MAFG: variants seen among roughly 807,000 people sequenced by gnomAD.
MAFG encodes the protein MAF bZIP transcription factor G.
Under a neutral mutation model 12.2 loss-of-function variants are expected in MAFG, and 3 were observed. That is an observed-to-expected ratio of 0.25 (90% CI 0.11 to 0.64). The LOEUF (loss-of-function observed/expected upper bound fraction) is 0.64. MAFG is among the 30% of genes least tolerant of loss of function. The pLI, the probability that MAFG is intolerant of heterozygous loss-of-function variation, is 0.85. For synonymous variants in MAFG, 126 were observed against 109.1 expected (o/e 1.15, Z -0.96); for missense variants, 153 against 235.5 (o/e 0.65, Z 2.29).
rs953946276 is a variant in MAFG, at chr17:81,923,271, C to G, written c.-29-57G>C. 2.4e-5 allele frequency: 23 copies of G among 962,798 alleles called. 2 individuals are homozygous for G. The highest frequency in any genetic ancestry group is 2.3e-4 in the South Asian group (12 of 51,514). 59.6% of individuals were successfully genotyped at this position (962,798 alleles called of 1,614,324 possible). On this transcript the variant is annotated intron_variant, in intron 1 of 2. Transcript: ENST00000357736. ...AGACCACCCTCGCCGCACCCCCCCC[C>G]CCCCGCCCCCGGCCCAGTTCACAAG... is the stretch of plus-strand genomic sequence containing the variant.
At chr17:81,925,528 G>C (rs2040932195) in intron 1 of MAFG, among the ~76,000 whole-genome samples, 1 of 152,200 alleles carries the variant, frequency 6.6e-6, no homozygotes, top group Non-Finnish European at 1.5e-5. Flanking sequence ...GTACATAAAT[G>C]GGCCGCGCGG....
At position 81,926,317 on chromosome 17, in the gene MAFG, C is replaced by T. The variant is rs140592630; in HGVS notation, c.-30+1211G>A. Among the ~76,000 whole-genome samples the T allele has an allele frequency of 5.1e-4, 78 of 152,276 alleles. 1 individual carries two copies. The highest frequency in any genetic ancestry group is 1.8e-3 in the African/African-American group (75 of 41,544). ...GCTGCGTTCTGCCACCCTGTGCCATCCACACCAGCCCATCTGCTGCACCCC... is the reference window on the plus strand; with the variant it reads ...GCTGCGTTCTGCCACCCTGTGCCATTCACACCAGCCCATCTGCTGCACCCC... On this transcript the variant is annotated intron_variant, in intron 1 of 2. Transcript: ENST00000357736. This position sits in a 1 kb window ranked among gnomAD's most constrained non-coding sequence, Gnocchi z 4.6.
chr17:81,923,445 G>C (rs2040915074), intron 1 of MAFG: 1 of 433,320 alleles, frequency 2.3e-6, no homozygotes, highest in Non-Finnish European at 4.1e-6. Flanking sequence ...GGTCAGGAAG[G>C]TCTGACGGGA....
chr17:81,930,307 C>G (rs925223951), upstream of MAFG: 1 of 152,334 alleles, frequency 6.6e-6, no homozygotes, highest in African/African-American at 2.4e-5. The surrounding 1 kb of genome is among the most constrained non-coding windows in gnomAD (Gnocchi z 4.1). Flanking sequence ...ACTGAAGAGG[C>G]GTGGCAGAAT....
rs992072935 is a variant in MAFG at position 81,927,652 on chromosome 17, G to C, written c.-154C>G. On this transcript the variant is annotated 5_prime_UTR_variant, in exon 1 of 3. Transcript: ENST00000357736. ...GGCTCGGAGGACTCGCCGCCTGCGC[G>C]GGCCGGGCCGAGCGCACTGGGAAGG... The C allele has an allele frequency of 1.3e-5, 2 of 149,852 alleles. No individual in the cohort carries two copies. The highest frequency in any genetic ancestry group is 3.0e-5 in the Non-Finnish European group (2 of 67,080). The allele number at this position is 149,852 out of a possible 1,614,324, so 9.3% of individuals were successfully genotyped here.
Position 81,922,749 on chromosome 17 carries a change from C to T in MAFG, c.345G>A (p.Gln115=). Reference sequence around the variant, plus strand: ...TGCGGGCCACCGTCCGGGCGAAGGTCTGCAGCGCCTCGTACTTGGAGCGCA... The same window carrying T: ...TGCGGGCCACCGTCCGGGCGAAGGTTTGCAGCGCCTCGTACTTGGAGCGCA... ...DALRSKYEAL[Q]TFARTVARSP... The change falls in exon 3 of 3, where the codon CAG becomes CAA. Residue 115 remains glutamine (Q), a synonymous_variant. Transcript: ENST00000357736. 5 of 1,588,172 alleles carry T rather than the reference C, an allele frequency of 3.1e-6. No individual in the cohort carries two copies. Among genetic ancestry groups the T allele is most frequent in the Non-Finnish European group, 4.3e-6 (5 of 1,166,746 alleles).
rs972415484 is a variant in MAFG, at chr17:81,926,284, G to A, written c.-30+1244C>T. ...CTTCAGGTAGCGACAACTTTAGGGT[G>A]GCTGGGTGCTGCGTTCTGCCACCCT... On this transcript the variant is annotated intron_variant, in intron 1 of 2. Transcript: ENST00000357736. This position sits in a 1 kb window ranked among gnomAD's most constrained non-coding sequence, Gnocchi z 4.6. Among the ~76,000 whole-genome samples, 1 of 152,064 alleles carries A rather than the reference G, an allele frequency of 6.6e-6. No homozygotes were observed. Among genetic ancestry groups the A allele is most frequent in the Admixed American group, 6.5e-5 (1 of 15,270 alleles).
chr17:81,920,155 G>A lies in MAFG; in HGVS notation c.*2450C>T, dbSNP rs1281118637. On this transcript the variant is annotated 3_prime_UTR_variant, in exon 3 of 3. Transcript: ENST00000357736. The stretch of plus-strand genomic sequence containing the variant: ...TATGATATGATTCCAACTAACGCCT[G>A]GATTCTACTTAGACAAGATCAGACT... 6.6e-6 allele frequency: 1 copy of A among 152,166 alleles called. No individual in the cohort carries two copies. The highest frequency in any genetic ancestry group is 2.4e-5 in the African/African-American group (1 of 41,428). The allele number at this position is 152,166 out of a possible 1,614,324, so 9.4% of individuals were successfully genotyped here.
chr17:81,928,054 A>T (rs1327892976), upstream of MAFG: 2 of 152,106 alleles, frequency 1.3e-5, no homozygotes, highest in African/African-American at 4.8e-5. The surrounding 1 kb of genome is among the most constrained non-coding windows in gnomAD (Gnocchi z 8.1). Flanking sequence ...TGCTCAGCCT[A>T]GGGCAGGCTC....
rs1374703981 is a variant in MAFG, at chr17:81,924,010, G to A, written c.-29-796C>T. 2 of 152,506 alleles carry A rather than the reference G, an allele frequency of 1.3e-5. No individual in the cohort carries two copies. Among genetic ancestry groups the A allele is most frequent in the Non-Finnish European group, 2.9e-5 (2 of 68,142 alleles). The allele number at this position is 152,506 out of a possible 1,614,324, so 9.4% of individuals were successfully genotyped here. A position where few individuals can be genotyped will look rare whatever the true frequency, so the allele number is the denominator to read the frequency against. ...ATCAGCTGGGAGGAGCCTGGCCCGA[G>A]GCCCCTCTAGACCTCCCAGTCGGCC... On this transcript the variant is annotated intron_variant, in intron 1 of 2. Transcript: ENST00000357736. The surrounding 1 kb of genome is among the most constrained non-coding windows in gnomAD (Gnocchi z 4.7).
chr17:81,925,667 G>T (rs906993699), intron 1 of MAFG, among the ~76,000 whole-genome samples: 10 of 152,066 alleles, frequency 6.6e-5, no homozygotes, highest in African/African-American at 2.4e-4. Flanking sequence ...AAATAGCCGG[G>T]CGTCGTGGTG....
chr17:81,925,509 T>A (rs2040932009), intron 1 of MAFG, among the ~76,000 whole-genome samples: 1 of 152,206 alleles, frequency 6.6e-6, no homozygotes, highest in Non-Finnish European at 1.5e-5. Context: ...CATAAGTGAC[T>A]GAGAAGATGT....
chr17:81,929,802 C>T (rs1292258605), upstream of MAFG: 2 of 153,992 alleles, frequency 1.3e-5, no homozygotes, highest in South Asian at 1.8e-4. The surrounding 1 kb of genome is among the most constrained non-coding windows in gnomAD (Gnocchi z 5.7). Flanking sequence ...GAGCTCACTT[C>T]CCGTCACAGC....
In MAFG at chr17:81,922,420, G is replaced by A. The variant is rs1036334693; in HGVS notation, c.*185C>T. Reference sequence around the variant, plus strand: ...AATCCCAACATACAAAACACACGACGACAATGACGAGATCAAAGGGGCTCA... The same window carrying A: ...AATCCCAACATACAAAACACACGACAACAATGACGAGATCAAAGGGGCTCA... On this transcript the variant is annotated 3_prime_UTR_variant, in exon 3 of 3. Transcript: ENST00000357736. 2.3e-5 allele frequency: 11 copies of A among 477,754 alleles called. No individual in the cohort carries two copies. The highest frequency in any genetic ancestry group is 1.0e-4 in the African/African-American group (5 of 48,766). The allele number at this position is 477,754 out of a possible 1,614,324, so 29.6% of individuals were successfully genotyped here. A position where few individuals can be genotyped will look rare whatever the true frequency, so the allele number is the denominator to read the frequency against.
Position 81,921,533 on chromosome 17 carries a change from G to A in MAFG, c.*1072C>T, listed in dbSNP as rs141471904. ...AATTGCAAAAGATATCAAAGAGGAC[G>A]GCCTTCTGGTCGGCTCACGGCTTGG... On this transcript the variant is annotated 3_prime_UTR_variant, in exon 3 of 3. Transcript: ENST00000357736. The A allele has an allele frequency of 7.9e-5, 12 of 151,692 alleles. No homozygotes were observed. In the East Asian group the frequency reaches 2.3e-3, roughly 29 times the overall value. 9.4% of individuals were successfully genotyped at this position (151,692 alleles called of 1,614,324 possible).
chr17:81,931,217 C>T (rs2040984177), upstream of MAFG, among the ~76,000 whole-genome samples: 1 of 152,208 alleles, frequency 6.6e-6, no homozygotes, highest in Non-Finnish European at 1.5e-5. Context: ...CACACACCTC[C>T]TCACCTCCCT....
chr17:81,919,629 T>A lies in MAFG; in HGVS notation c.*2976A>T, dbSNP rs921836529. On this transcript the variant is annotated 3_prime_UTR_variant, in exon 3 of 3. Transcript: ENST00000357736. ...ACCTGGCCTTGGCCAAAGCCCTCGA[T>A]TCGCTGTGTCAGAAAAACTGAGGTG... 2.0e-5 allele frequency: 3 copies of A among 152,280 alleles called. No homozygotes were observed. The highest frequency in any genetic ancestry group is 2.9e-5 in the Non-Finnish European group (2 of 68,070). 9.4% of individuals were successfully genotyped at this position (152,280 alleles called of 1,614,324 possible).
Position 81,923,204 on chromosome 17 carries a change from G to T in MAFG, c.-19C>A. On this transcript the variant is annotated 5_prime_UTR_variant, in exon 2 of 3. Coordinates refer to ENST00000357736, the MANE Select transcript of MAFG (RefSeq NM_002359.4). ...TCGTCATAACCCGGGGGCACAGCGA[G>T]CAGGCGCTCTCTGCAAGACACGGAG... 6.3e-7 allele frequency: 1 copy of T among 1,586,484 alleles called. No homozygotes were observed. Among genetic ancestry groups the T allele is most frequent in the Non-Finnish European group, 8.6e-7 (1 of 1,166,514 alleles).
At chr17:81,923,762 T>G (rs1022730597) in intron 1 of MAFG, among the ~76,000 whole-genome samples, 5 of 151,708 alleles carry the variant, frequency 3.3e-5, no homozygotes, top group Admixed American at 6.6e-5. Context: ...TCTTCCAGGG[T>G]CCTACCTTCT....
Sources: gnomAD v4.1 joint callset for allele counts (sites outside exome capture counted in the v4.1 genomes callset) on GRCh38, gnomAD v4.1.1 for gene constraint, Gnocchi (gnomAD v3.1) non-coding constraint, MANE v1.5 for transcripts, NCBI Gene and HGNC (gene_info 2026-07-23, HGNC 2026-07-21) for gene names.